ZNF333: variants seen among roughly 807,000 people sequenced by gnomAD.
ZNF333 encodes the protein zinc finger protein 333.
ZNF333 carries 61 observed loss-of-function variants against 76.1 expected under a neutral mutation model. That is an observed-to-expected ratio of 0.80 (90% confidence interval 0.65 to 0.99). The LOEUF (loss-of-function observed/expected upper bound fraction) is 0.99, where lower values mean the gene tolerates loss of function less well. ZNF333 is among the 50% of genes least tolerant of loss of function. The pLI is 0.00. For missense variants in ZNF333, 717 were observed against 822.4 expected (o/e 0.87, Z 1.57); for synonymous variants, 284 against 305.0 (o/e 0.93, Z 0.72).
intron 11 of ZNF333, among the ~76,000 whole-genome samples, chr19:14,731,009 A>G (rs1166408304): frequency 6.6e-6 from 1 of 151,898 alleles, no homozygotes; most frequent in Non-Finnish European, 1.5e-5. Context: ...CCATCCCAGA[A>G]TGCCCTAAAT....
chr19:14,728,761 G>T (rs1375903416), intron 11 of ZNF333, among the ~76,000 whole-genome samples: 11 of 152,210 alleles, frequency 7.2e-5, no homozygotes, highest in Admixed American at 7.2e-4. Context: ...AGTGAAACCA[G>T]CACTGAGGCA....
intron 5 of ZNF333, chr19:14,701,560 C>T (rs529768790): frequency 2.0e-6 from 2 of 985,378 alleles, no homozygotes; most frequent in South Asian, 9.4e-5. Context: ...CATCCTCCAC[C>T]TCCATGTCTC....
intron 6 of ZNF333, among the ~76,000 whole-genome samples, chr19:14,705,371 G>A (rs973271258): frequency 4.6e-5 from 7 of 152,126 alleles, no homozygotes; most frequent in African/African-American, 1.7e-4. Flanking sequence ...GCTCCAGGGC[G>A]GGTCCTGGGG....
Position 14,728,685 on chromosome 19 carries a change from A to G in ZNF333, c.901-2490A>G, listed in dbSNP as rs2042648873. Reference sequence around the variant, plus strand: ...GAAAATGGCAAAAACTTCCATGTGAATCCCTTTACACCTTAGGTCATGTTG... The same window carrying G: ...GAAAATGGCAAAAACTTCCATGTGAGTCCCTTTACACCTTAGGTCATGTTG... On this transcript the variant is annotated intron_variant, in intron 11 of 11. Coordinates refer to the ZNF333 transcript ENST00000540689. Among the ~76,000 whole-genome samples, 5 of 152,214 alleles carry G rather than the reference A, an allele frequency of 3.3e-5. No individual in the cohort carries two copies. The South Asian group carries it at 1.0e-3, about 32-fold the overall frequency.
rs2042566341 is a variant in ZNF333 at position 14,720,662 on chromosome 19, G to A, written c.*1337G>A. 2 of 985,150 alleles carry A rather than the reference G, an allele frequency of 2.0e-6. No homozygotes were observed. Among genetic ancestry groups the A allele is most frequent in the African/African-American group, 1.7e-5 (1 of 57,178 alleles). 61.0% of individuals were successfully genotyped at this position (985,150 alleles called of 1,614,324 possible). A position where few individuals can be genotyped will look rare whatever the true frequency, so the allele number is the denominator to read the frequency against. ...CACCTGAATATAATTCCTAACTGATGCACTTAGTATATGTCAGTTTTTATA... is the reference window on the plus strand; with the variant it reads ...CACCTGAATATAATTCCTAACTGATACACTTAGTATATGTCAGTTTTTATA... On this transcript the variant is annotated 3_prime_UTR_variant, in exon 12 of 12. Transcript: ENST00000292530.
exon 12 of ZNF333, chr19:14,731,945 G>C (rs1261752462): frequency 6.6e-6 from 1 of 152,080 alleles, no homozygotes; most frequent in Admixed American, 6.5e-5. Flanking sequence ...CCCCAACCTC[G>C]TCTGTGTTTC....
Position 14,699,295 on chromosome 19 carries a change from G to A in ZNF333, c.306+14G>A, listed in dbSNP as rs528638647. 1.2e-6 allele frequency: 2 copies of A among 1,611,128 alleles called. No individual in the cohort carries two copies. Among genetic ancestry groups the A allele is most frequent in the African/African-American group, 1.3e-5 (1 of 74,932 alleles). ...GACATGCAAATGGTAAGATGCACGG[G>A]GTTTTCCCCGGCTCCCAGCATGGGA... On this transcript the variant is annotated intron_variant, in intron 5 of 11. Transcript: ENST00000292530.
intron 4 of ZNF333, among the ~76,000 whole-genome samples, chr19:14,697,279 G>A (rs1973273865): frequency 6.6e-6 from 1 of 151,210 alleles, no homozygotes; most frequent in Admixed American, 6.6e-5. Context: ...TTGATAGACA[G>A]TTGGATTGTT....
At chr19:14,725,084 G>T (rs1453139355), downstream of ZNF333, among the ~76,000 whole-genome samples, 1 of 152,178 alleles carries the variant, frequency 6.6e-6, no homozygotes, top group African/African-American at 2.4e-5. Flanking sequence ...TCTGGCGAGG[G>T]CCTCAGGAAG....
intron 5 of ZNF333, among the ~76,000 whole-genome samples, chr19:14,704,485 T>C (rs1254892079): frequency 6.6e-6 from 1 of 152,092 alleles, no homozygotes; most frequent in East Asian, 1.9e-4. Flanking sequence ...GGTGTATTAG[T>C]CTGTGTTCAC....
chr19:14,719,762 G>A lies in ZNF333; in HGVS notation c.*437G>A. 1 of 990,798 alleles carries A rather than the reference G, an allele frequency of 1.0e-6. No homozygotes were observed. The highest frequency in any genetic ancestry group is 1.2e-6 in the Non-Finnish European group (1 of 833,690). The allele number at this position is 990,798 out of a possible 1,614,324, so 61.4% of individuals were successfully genotyped here. A position where few individuals can be genotyped will look rare whatever the true frequency, so the allele number is the denominator to read the frequency against. On this transcript the variant is annotated 3_prime_UTR_variant, in exon 12 of 12. Coordinates refer to ENST00000292530, the MANE Select transcript of ZNF333 (RefSeq NM_032433.4). ...GTGGCCTCTTTGTTACTGAGTCATA[G>A]GTATTTGCTGAGATTTGCTATTAGG... is the stretch of plus-strand genomic sequence containing the variant.
At chr19:14,722,086 CAT>C (rs1253065723), downstream of ZNF333, among the ~76,000 whole-genome samples, 1 of 152,218 alleles carries the variant, frequency 6.6e-6, no homozygotes, top group East Asian at 1.9e-4. Flanking sequence ...TCCTTGGCAA[CAT>C]GTGGTACTGT....
chr19:14,699,318 G>C, intron 5 of ZNF333, 37 bp downstream of exon 5: 1 of 1,585,926 alleles, frequency 6.3e-7, no homozygotes, highest in Non-Finnish European at 8.7e-7. Context: ...TCCCAGCATG[G>C]GAGAAGTTGA....
chr19:14,719,840 A>G lies in ZNF333; in HGVS notation c.*515A>G, dbSNP rs1199072389. The G allele has an allele frequency of 1.0e-6, 1 of 986,580 alleles. No homozygotes were observed. The highest frequency in any genetic ancestry group is 1.2e-6 in the Non-Finnish European group (1 of 830,998). 61.1% of individuals were successfully genotyped at this position (986,580 alleles called of 1,614,324 possible). On this transcript the variant is annotated 3_prime_UTR_variant, in exon 12 of 12. Transcript: ENST00000292530. ...CAACCCAAATTACCCCTTCCTCCTT[A>G]GAAAAGAACCTGGGTTTTCTGTTCA... is the stretch of plus-strand genomic sequence containing the variant.
chr19:14,706,448 G>A, intron 6 of ZNF333: 1 of 521,310 alleles, frequency 1.9e-6, no homozygotes, highest in Non-Finnish European at 3.4e-6. Flanking sequence ...TCCTTGGAGG[G>A]TGCCACCTTC....
chr19:14,694,907 T>C (rs3850141), intron 2 of ZNF333, 103 bp from the exon 3 acceptor site: 996,421 of 1,547,446 alleles, frequency 0.64, 327,010 homozygotes, highest in African/African-American at 0.88. Context: ...GGATTTTCCA[T>C]GCCTGCTGTG....
chr19:14,725,817 T>A (rs1171643161), downstream of ZNF333, among the ~76,000 whole-genome samples: 1 of 152,196 alleles, frequency 6.6e-6, no homozygotes, highest in East Asian at 1.9e-4. Flanking sequence ...GCTGCTCTTA[T>A]GGGTTGGAGT....
chr19:14,708,426 G>A (rs2042180727), intron 7 of ZNF333: 1 of 401,228 alleles, frequency 2.5e-6, no homozygotes, highest in East Asian at 3.6e-5. Flanking sequence ...ACGGTCAGCT[G>A]GGTGGTCAGA....
chr19:14,729,673 A>G (rs891503636), intron 11 of ZNF333, among the ~76,000 whole-genome samples: 35 of 152,294 alleles, frequency 2.3e-4, no homozygotes, highest in African/African-American at 8.4e-4. Flanking sequence ...TCAGTTAGAC[A>G]GGAGGAAGAA....
Sources: allele counts gnomAD v4.1 joint callset (sites outside exome capture counted in the v4.1 genomes callset), GRCh38; gene constraint gnomAD v4.1.1; transcripts MANE v1.5; gene names NCBI Gene and HGNC (gene_info 2026-07-23, HGNC 2026-07-21).